The following EEIG2 variants were observed in gnomAD, a reference collection of about 807,000 sequenced individuals.
The protein encoded by EEIG2 is family with sequence similarity 102 member B.
At chr1:108,579,766 T>TGAGA in the EEIG2 span, among the ~76,000 whole-genome samples, 138 of 14,814 alleles carry the variant, frequency 9.3e-3, no homozygotes, top group Admixed American at 0.023. Flanking sequence ...TGTGTGTGTG[T>TGAGA]GTGTGTGAGA....
the EEIG2 span, among the ~76,000 whole-genome samples, chr1:108,621,295 ATTAT>A: frequency 2.0e-5 from 3 of 152,216 alleles, no homozygotes; most frequent in Non-Finnish European, 4.4e-5. Flanking sequence ...GCACTCAGTG[ATTAT>A]TTATTCAACA....
At chr1:108,614,490 C>T in the EEIG2 span, among the ~76,000 whole-genome samples, 1 of 152,160 alleles carries the variant, frequency 6.6e-6, no homozygotes, top group Non-Finnish European at 1.5e-5. Context: ...TATTCTTGCT[C>T]TCAGATACTG....
the EEIG2 span, chr1:108,625,719 GCTCT>G: frequency 6.6e-6 from 1 of 151,818 alleles, no homozygotes; most frequent in Non-Finnish European, 1.5e-5. Flanking sequence ...GTGCTCACAT[GCTCT>G]CTCTCTTCCC....
chr1:108,612,203 CAG>C, the EEIG2 span: 1 of 1,612,682 alleles, frequency 6.2e-7, no homozygotes. Context: ...CTAAACCTGG[CAG>C]AGTTTGCTGG....
At chr1:108,564,780 A>C in the EEIG2 span, among the ~76,000 whole-genome samples, 1 of 151,958 alleles carries the variant, frequency 6.6e-6, no homozygotes, top group African/African-American at 2.4e-5. Flanking sequence ...CCATTTCTAC[A>C]AAAAACATAC....
chr1:108,583,606 G>A, the EEIG2 span, among the ~76,000 whole-genome samples: 8 of 152,084 alleles, frequency 5.3e-5, no homozygotes, highest in East Asian at 1.3e-3. Context: ...TGTTTCCTAC[G>A]TATTCCCTTT....
chr1:108,584,321 T>G, the EEIG2 span, among the ~76,000 whole-genome samples: 6 of 151,940 alleles, frequency 3.9e-5, no homozygotes, highest in Admixed American at 3.9e-4. Context: ...CTGTATGCTT[T>G]CTTAAAAAAT....
the EEIG2 span, among the ~76,000 whole-genome samples, chr1:108,575,314 A>T: frequency 9.6e-3 from 1,465 of 152,238 alleles, 23 homozygotes; most frequent in African/African-American, 0.033. Flanking sequence ...ATAGATGCCA[A>T]CTCTTCTAAG....
At chr1:108,591,697 G>A in the EEIG2 span, among the ~76,000 whole-genome samples, 250 of 152,220 alleles carry the variant, frequency 1.6e-3, no homozygotes, top group African/African-American at 5.9e-3. Context: ...TCTAGGGTAG[G>A]GAAAAGAGGA....
the EEIG2 span, among the ~76,000 whole-genome samples, chr1:108,563,387 T>G: frequency 6.6e-6 from 1 of 152,210 alleles, no homozygotes; most frequent in African/African-American, 2.4e-5. Context: ...GATTCGACTT[T>G]GTATCTTTTC....
chr1:108,598,848 C>G, the EEIG2 span, among the ~76,000 whole-genome samples: 1 of 151,944 alleles, frequency 6.6e-6, no homozygotes, highest in African/African-American at 2.4e-5. Context: ...ATCAGAAAAA[C>G]CAGGCCAGGT....
the EEIG2 span, among the ~76,000 whole-genome samples, chr1:108,587,194 GTTTT>G: frequency 6.6e-6 from 1 of 152,028 alleles, no homozygotes; most frequent in African/African-American, 2.4e-5. Flanking sequence ...CTGTGTCCTT[GTTTT>G]TAAGAGTTGT....
the EEIG2 span, among the ~76,000 whole-genome samples, chr1:108,560,733 C>A: frequency 4.6e-5 from 7 of 152,172 alleles, no homozygotes; most frequent in South Asian, 8.3e-4. Flanking sequence ...TCTCAGCTGG[C>A]CTTGGTTCCT....
At chr1:108,581,852 G>C in the EEIG2 span, among the ~76,000 whole-genome samples, 1 of 152,172 alleles carries the variant, frequency 6.6e-6, no homozygotes, top group Non-Finnish European at 1.5e-5. Context: ...AAAGCAGCAG[G>C]GTTTGAGAGG....
chr1:108,613,985 A>G, the EEIG2 span, among the ~76,000 whole-genome samples: 3 of 151,818 alleles, frequency 2.0e-5, no homozygotes, highest in African/African-American at 7.3e-5. Context: ...TTCACCCCCA[A>G]AAAATTTCAA....
At chr1:108,576,603 A>G in the EEIG2 span, among the ~76,000 whole-genome samples, 1 of 143,576 alleles carries the variant, frequency 7.0e-6, no homozygotes, top group Non-Finnish European at 1.5e-5. Context: ...AATTTCATCC[A>G]TGTCCCTACA....
chr1:108,637,773 T>C, the EEIG2 span: 1 of 152,620 alleles, frequency 6.6e-6, no homozygotes, highest in African/African-American at 2.4e-5. Context: ...AACATCTTGT[T>C]TGGGAGAATG....
the EEIG2 span, among the ~76,000 whole-genome samples, chr1:108,606,983 T>G: frequency 6.6e-6 from 1 of 152,162 alleles, no homozygotes. Context: ...AGTTTTAACT[T>G]CCATATCTAC....
At chr1:108,580,796 A>G in the EEIG2 span, among the ~76,000 whole-genome samples, 1 of 152,218 alleles carries the variant, frequency 6.6e-6, no homozygotes, top group Non-Finnish European at 1.5e-5. Flanking sequence ...GCTTAAGGAA[A>G]GAAGCCATTT....
Sources: gnomAD v4.1 joint callset for allele counts (sites outside exome capture counted in the v4.1 genomes callset) on GRCh38, gnomAD v4.1.1 for gene constraint, MANE v1.5 for transcripts, NCBI Gene and HGNC (gene_info 2026-07-23, HGNC 2026-07-21) for gene names.